The following PDE4D variants were observed in gnomAD, a reference collection of about 807,000 sequenced individuals.
The protein encoded by PDE4D is phosphodiesterase 4D.
PDE4D carries 24 observed loss-of-function variants against 87.4 expected under a neutral mutation model. The ratio of observed to expected loss-of-function variants is 0.27; its 90% CI spans 0.20 to 0.39. The LOEUF (loss-of-function observed/expected upper bound fraction) is 0.39, where lower values mean the gene tolerates loss of function less well. Among genes scored for constraint, PDE4D ranks in the 10% least tolerant of loss-of-function variants. The pLI, the probability that PDE4D is intolerant of heterozygous loss-of-function variation, is 1.00. For missense variants in PDE4D, 714 were observed against 1,041.0 expected (o/e 0.69, Z 4.32); for synonymous variants, 384 against 383.2 (o/e 1.00, Z -0.02).
In PDE4D at chr5:60,510,555, G is replaced by A. The variant is rs566923998; in HGVS notation, n.70+11496C>T. Among the ~76,000 whole-genome samples, 6 of 152,234 alleles carry A rather than the reference G, an allele frequency of 3.9e-5. No homozygotes were observed. In the South Asian group the frequency reaches 1.2e-3, roughly 32 times the overall value. ...CTAAAATAACAGCTGGGAAGGACAC[G>A]GTACTAATGGAGATTTGCAATTAGT... On this transcript the variant is annotated intron_variant and non_coding_transcript_variant, in intron 1 of 2. Coordinates refer to the PDE4D transcript ENST00000506510.
chr5:59,657,938 A>T (rs1056396586), intron 1 of PDE4D, among the ~76,000 whole-genome samples: 1 of 152,180 alleles, frequency 6.6e-6, no homozygotes, highest in African/African-American at 2.4e-5. Context: ...CACAACTCTT[A>T]TCACAGATAC....
intron 1 of PDE4D, among the ~76,000 whole-genome samples, chr5:60,445,957 TA>T (rs1254216010): frequency 2.0e-5 from 3 of 152,100 alleles, no homozygotes; most frequent in African/African-American, 7.2e-5. Context: ...CTGTACTATA[TA>T]AAAATTGTCA....
rs182535770 is a variant in PDE4D, at chr5:59,000,728, G to A, written c.922-7263C>T. Among the ~76,000 whole-genome samples the A allele has an allele frequency of 6.0e-3, 905 of 152,026 alleles. 2 individuals carry two copies. Among genetic ancestry groups the A allele is most frequent in the Non-Finnish European group, 0.01 (691 of 67,950 alleles). ...TATTTAGAGACAGAGTCTCGCTGTCGCCCAGGCTAGAGTGCAGTAGTGCGA... is the reference window on the plus strand; with the variant it reads ...TATTTAGAGACAGAGTCTCGCTGTCACCCAGGCTAGAGTGCAGTAGTGCGA... On this transcript the variant is annotated intron_variant, in intron 6 of 14. Coordinates refer to ENST00000340635, the MANE Select transcript of PDE4D (RefSeq NM_001104631.2).
intron 1 of PDE4D, among the ~76,000 whole-genome samples, chr5:59,548,455 G>A (rs1817619348): frequency 1.3e-5 from 2 of 152,046 alleles, no homozygotes; most frequent in Non-Finnish European, 1.5e-5. Context: ...TAGGTACCAG[G>A]CACCCACCTA....
At chr5:59,951,078 C>T (rs1053968792) in intron 3 of PDE4D, among the ~76,000 whole-genome samples, 9 of 151,828 alleles carry the variant, frequency 5.9e-5, no homozygotes, top group African/African-American at 1.7e-4. Context: ...AACAAACCTG[C>T]GTAAGAAAGA....
chr5:59,836,530 A>T (rs55720412), intron 1 of PDE4D, among the ~76,000 whole-genome samples: 15,702 of 151,932 alleles, frequency 0.1, 2,582 homozygotes, highest in African/African-American at 0.35. Context: ...CAGGGATTGG[A>T]TTGAAGGCTG....
intron 1 of PDE4D, among the ~76,000 whole-genome samples, chr5:59,426,056 T>C (rs1410404076): frequency 1.3e-5 from 2 of 152,142 alleles, no homozygotes; most frequent in Admixed American, 6.5e-5. Flanking sequence ...GCAGGAAATT[T>C]TGACACATAC....
intron 6 of PDE4D, among the ~76,000 whole-genome samples, chr5:59,005,916 A>C (rs943666790): frequency 1.3e-5 from 2 of 152,148 alleles, no homozygotes; most frequent in African/African-American, 4.8e-5. Flanking sequence ...GTTTATCCTC[A>C]ATCTTTTTGC....
intron 5 of PDE4D, among the ~76,000 whole-genome samples, chr5:59,161,313 T>G (rs1397286897): frequency 6.6e-6 from 1 of 152,162 alleles, no homozygotes; most frequent in Non-Finnish European, 1.5e-5. Flanking sequence ...AATCAATACA[T>G]GTAAGATTTA....
At chr5:59,028,365 A>G (rs1403885007) in intron 6 of PDE4D, among the ~76,000 whole-genome samples, 1 of 151,860 alleles carries the variant, frequency 6.6e-6, no homozygotes, top group African/African-American at 2.4e-5. Flanking sequence ...AAAAGGATAG[A>G]AATCAGGATG....
chr5:59,426,438 T>C (rs1341236250), intron 1 of PDE4D, among the ~76,000 whole-genome samples: 1 of 152,078 alleles, frequency 6.6e-6, no homozygotes, highest in African/African-American at 2.4e-5. Context: ...CTGCTTTTTT[T>C]CTGATCCCAG....
At chr5:60,509,640 C>T (rs40512) in intron 1 of PDE4D, among the ~76,000 whole-genome samples, 100,166 of 151,942 alleles carry the variant, frequency 0.66, 34,464 homozygotes, top group African/African-American at 0.86. Context: ...GACTTCACCT[C>T]CTGCTTCTTG....
chr5:60,365,233 C>G lies in PDE4D; in HGVS notation c.-90+122709G>C, dbSNP rs1275945334. 9.2e-5 allele frequency among the ~76,000 whole-genome samples: 14 copies of G among 152,168 alleles called. No homozygotes were observed. The East Asian group carries it at 2.7e-3, about 29-fold the overall frequency. ...ATATTTTCTCCATCTTGGCATGCAA[C>G]AACATGAGGAGAAGTCTTGCAATGT... On this transcript the variant is annotated intron_variant, in intron 1 of 16. Coordinates refer to the PDE4D transcript ENST00000502484.
rs1747451452 is a variant in PDE4D at position 58,989,874 on chromosome 5, T to C, written c.1333A>G (p.Ile445Val). ...KTFKIPVDTLITYLMTLEDHY... is the reference protein window; with the variant it reads ...KTFKIPVDTLVTYLMTLEDHY... The stretch of plus-strand genomic sequence containing the variant: ...TCTTCGAGAGTCATAAGATATGTAA[T>C]TAAAGTATCTACTGGAATTTTAAAT... The change falls in exon 10 of 15, where the codon ATT (isoleucine) becomes GTT (valine). Residue 445 changes from isoleucine to valine, a missense_variant. Physicochemically the swap from Ile to Val is conservative, Grantham distance 29. Around this residue, in one of 7 missense-constraint regions of PDE4D, gnomAD observed 141 missense variants for 204.3 expected, o/e 0.69. Transcript: ENST00000340635. 1 of 1,549,566 alleles carries C rather than the reference T, an allele frequency of 6.5e-7. No individual in the cohort carries two copies. Among genetic ancestry groups the C allele is most frequent in the Non-Finnish European group, 8.9e-7 (1 of 1,123,442 alleles).
At chr5:59,456,101 T>A (rs991240700) in intron 1 of PDE4D, among the ~76,000 whole-genome samples, 1 of 152,138 alleles carries the variant, frequency 6.6e-6, no homozygotes, top group Non-Finnish European at 1.5e-5. Context: ...TTTGGGAGAC[T>A]GTTGGGGAGG....
At chr5:59,991,374 A>G (rs1362271736) in intron 2 of PDE4D, among the ~76,000 whole-genome samples, 1 of 152,136 alleles carries the variant, frequency 6.6e-6, no homozygotes, top group African/African-American at 2.4e-5. Context: ...GAATTTTAGT[A>G]TGCACCACCT....
intron 1 of PDE4D, among the ~76,000 whole-genome samples, chr5:59,785,305 T>C (rs922625279): frequency 7.9e-5 from 12 of 152,236 alleles, no homozygotes; most frequent in Admixed American, 7.2e-4. Flanking sequence ...CTTTCATTTG[T>C]GATTATAAGA....
intron 1 of PDE4D, among the ~76,000 whole-genome samples, chr5:60,450,115 C>T (rs1276042636): frequency 6.7e-6 from 1 of 149,072 alleles, no homozygotes; most frequent in African/African-American, 2.5e-5. Context: ...CAGAAGTTCA[C>T]ATACCATAAT....
chr5:60,342,078 G>A (rs1733670991), intron 1 of PDE4D, among the ~76,000 whole-genome samples: 1 of 152,204 alleles, frequency 6.6e-6, no homozygotes, highest in Non-Finnish European at 1.5e-5. Context: ...CTGCTTGAGA[G>A]TGACACAGGA....
Sources: allele counts gnomAD v4.1 joint callset (sites outside exome capture counted in the v4.1 genomes callset), GRCh38; gene constraint gnomAD v4.1.1; regional missense constraint gnomAD v4.1.1; transcripts MANE v1.5; gene names NCBI Gene and HGNC (gene_info 2026-07-23, HGNC 2026-07-21).